Variants in THSD7B observed in about 807,000 individuals in gnomAD.
The protein encoded by THSD7B is thrombospondin type-1 domain-containing protein 7B.
Under a neutral mutation model 213.6 loss-of-function variants are expected in THSD7B, and 138 were observed. That is an observed-to-expected ratio of 0.65 (90% confidence interval 0.56 to 0.74). THSD7B has a LOEUF of 0.74. Ranked by LOEUF, THSD7B falls within the 30% of genes least tolerant of loss-of-function variation. THSD7B has a pLI of 0.00. For synonymous variants in THSD7B, 742 were observed against 687.0 expected (o/e 1.08, Z -1.25); for missense variants, 1,931 against 1,991.5 (o/e 0.97, Z 0.58).
chr2:136,989,540 C>A (rs897059066), intron 2 of THSD7B, among the ~76,000 whole-genome samples: 1 of 152,202 alleles, frequency 6.6e-6, no homozygotes, highest in Non-Finnish European at 1.5e-5. Flanking sequence ...TGGCACCATG[C>A]TTGTATAGCC....
chr2:137,661,269 T>C (rs1683338037), intron 25 of THSD7B, among the ~76,000 whole-genome samples: 1 of 152,114 alleles, frequency 6.6e-6, no homozygotes, highest in Non-Finnish European at 1.5e-5. Context: ...GTGACATTCA[T>C]TGTACTTAAA....
chr2:137,505,710 G>C (rs769117138), intron 15 of THSD7B, among the ~76,000 whole-genome samples: 4 of 152,204 alleles, frequency 2.6e-5, no homozygotes, highest in Non-Finnish European at 5.9e-5. Flanking sequence ...CAGATGAGAA[G>C]GTGACTGCCA....
intron 2 of THSD7B, among the ~76,000 whole-genome samples, chr2:137,010,578 G>A (rs1292098338): frequency 6.6e-6 from 1 of 152,148 alleles, no homozygotes; most frequent in African/African-American, 2.4e-5. Flanking sequence ...TAAGGGGCAG[G>A]CTCATATTGT....
intron 7 of THSD7B, among the ~76,000 whole-genome samples, chr2:137,204,053 T>C (rs1680931964): frequency 6.6e-6 from 1 of 151,972 alleles, no homozygotes; most frequent in South Asian, 2.1e-4. Context: ...CAACATCAAA[T>C]AGTTTTCAGA....
chr2:137,316,593 C>T (rs1178010974), intron 12 of THSD7B, among the ~76,000 whole-genome samples: 1 of 151,782 alleles, frequency 6.6e-6, no homozygotes. Context: ...GAAACCCTGT[C>T]TCTATAAAAA....
At chr2:137,275,248 G>A (rs868264457) in intron 11 of THSD7B, among the ~76,000 whole-genome samples, 54 of 152,000 alleles carry the variant, frequency 3.6e-4, no homozygotes, top group African/African-American at 1.2e-3. Context: ...TCAACAGCAG[G>A]TCCATTCCTC....
chr2:137,201,302 A>G (rs1401380563), intron 7 of THSD7B, among the ~76,000 whole-genome samples: 1 of 152,072 alleles, frequency 6.6e-6, no homozygotes, highest in Non-Finnish European at 1.5e-5. Context: ...CACGCACCAC[A>G]TTTTCATTAT....
At chr2:137,265,504 C>A (rs571100174) in intron 10 of THSD7B, among the ~76,000 whole-genome samples, 12 of 152,278 alleles carry the variant, frequency 7.9e-5, no homozygotes, top group East Asian at 1.9e-4. Flanking sequence ...GCTATAAAGA[C>A]ACATGCACAC....
chr2:136,983,272 G>A lies in THSD7B; in HGVS notation c.140-73148G>A, dbSNP rs544152037. ...CAACTGAACTGTAAGCTTAGAATAG[G>A]CCAGAGGGATAATTTTGCACAGCAG... On this transcript the variant is annotated intron_variant, in intron 2 of 27. Coordinates refer to ENST00000409968, the MANE Select transcript of THSD7B (RefSeq NM_001316349.2). 1.3e-4 allele frequency among the ~76,000 whole-genome samples: 19 copies of A among 151,570 alleles called. No individual in the cohort carries two copies. The South Asian group carries it at 4.0e-3, about 32-fold the overall frequency.
chr2:136,965,993 T>C (rs985688822), intron 2 of THSD7B, among the ~76,000 whole-genome samples: 2 of 152,152 alleles, frequency 1.3e-5, no homozygotes, highest in African/African-American at 4.8e-5. Context: ...GAGTAAATGC[T>C]CTAATTTTTC....
At chr2:137,284,231 G>A (rs938373615) in intron 12 of THSD7B, among the ~76,000 whole-genome samples, 3 of 151,960 alleles carry the variant, frequency 2.0e-5, no homozygotes, top group African/African-American at 7.2e-5. Flanking sequence ...TATTTCTGTG[G>A]GATTTATGGT....
chr2:137,652,799 T>A (rs112052344), intron 21 of THSD7B, among the ~76,000 whole-genome samples: 254 of 152,260 alleles, frequency 1.7e-3, no homozygotes, highest in African/African-American at 5.8e-3. Flanking sequence ...CAAGTTCACT[T>A]AGATTGCAAA....
chr2:137,243,338 C>A (rs1243106546), intron 10 of THSD7B, among the ~76,000 whole-genome samples: 1 of 152,166 alleles, frequency 6.6e-6, no homozygotes, highest in Non-Finnish European at 1.5e-5. Flanking sequence ...CATACACTAG[C>A]CTTGGCCCTT....
chr2:136,931,284 A>C (rs964982782), intron 2 of THSD7B, among the ~76,000 whole-genome samples: 4 of 152,204 alleles, frequency 2.6e-5, no homozygotes, highest in Non-Finnish European at 4.4e-5. Flanking sequence ...GTACAGCCCT[A>C]GAATGCAAAC....
At chr2:137,179,457 A>C (rs1680414117) in intron 7 of THSD7B, among the ~76,000 whole-genome samples, 1 of 152,060 alleles carries the variant, frequency 6.6e-6, no homozygotes, top group Admixed American at 6.6e-5. Context: ...ACACTTCTCC[A>C]TTATGACAGA....
intron 5 of THSD7B, among the ~76,000 whole-genome samples, chr2:137,134,667 A>G (rs1212046364): frequency 6.6e-6 from 1 of 152,152 alleles, no homozygotes; most frequent in Non-Finnish European, 1.5e-5. Flanking sequence ...CTTCTCTGCC[A>G]TCTCAACTGT....
intron 13 of THSD7B, among the ~76,000 whole-genome samples, chr2:137,407,466 T>A (rs1192892741): frequency 5.9e-5 from 9 of 152,114 alleles, no homozygotes; most frequent in Non-Finnish European, 1.3e-4. Context: ...GTAAAATGAA[T>A]CATTTAATAT....
intron 7 of THSD7B, among the ~76,000 whole-genome samples, chr2:137,223,987 C>T (rs766290594): frequency 6.6e-5 from 10 of 152,134 alleles, no homozygotes; most frequent in East Asian, 5.8e-4. Context: ...CCTTTCCAGC[C>T]GTGCTTCCTG....
chr2:137,548,641 T>G (rs1680785590), intron 15 of THSD7B, among the ~76,000 whole-genome samples: 1 of 152,102 alleles, frequency 6.6e-6, no homozygotes, highest in African/African-American at 2.4e-5. Flanking sequence ...GACTTTATTC[T>G]GTACACGTCA....
Sources: gnomAD v4.1 joint callset for allele counts (sites outside exome capture counted in the v4.1 genomes callset) on GRCh38, gnomAD v4.1.1 for gene constraint, MANE v1.5 for transcripts, NCBI Gene and HGNC (gene_info 2026-07-23, HGNC 2026-07-21) for gene names.